EPB41L2: variants seen among roughly 807,000 people sequenced by gnomAD.
EPB41L2 encodes band 4.1-like protein 2.
Under a neutral mutation model 113.0 loss-of-function variants are expected in EPB41L2, and 43 were observed. The ratio of observed to expected loss-of-function variants is 0.38; its 90% CI spans 0.30 to 0.49. The LOEUF is 0.49. EPB41L2 is among the 20% of genes least tolerant of loss of function. EPB41L2 has a pLI of 0.95. For synonymous variants in EPB41L2, 442 were observed against 436.7 expected, an observed-to-expected ratio of 1.01 and a Z score of -0.15; for missense variants, 1,147 against 1,223.4, an observed-to-expected ratio of 0.94 and a Z score of 0.93.
At chr6:130,880,049 C>T in intron 13 of EPB41L2, 95 bp downstream of exon 13, 1 of 881,052 alleles carries the variant, frequency 1.1e-6, no homozygotes, top group Non-Finnish European at 1.8e-6. Flanking sequence ...ATGCACCGTG[C>T]TTGAAGAACA....
intron 4 of EPB41L2, among the ~76,000 whole-genome samples, chr6:130,917,412 A>T (rs1801460244): frequency 6.6e-6 from 1 of 152,180 alleles, no homozygotes; most frequent in Non-Finnish European, 1.5e-5. Context: ...CCCATCCTTG[A>T]TAACTAATTA....
intron 6 of EPB41L2, among the ~76,000 whole-genome samples, chr6:130,903,693 C>A (rs1333383420): frequency 1.3e-5 from 2 of 151,962 alleles, no homozygotes; most frequent in Non-Finnish European, 2.9e-5. Flanking sequence ...AAAAATCAAC[C>A]CTTTATACTT....
At chr6:130,994,666 T>C (rs992391671) in intron 1 of EPB41L2, among the ~76,000 whole-genome samples, 2 of 152,156 alleles carry the variant, frequency 1.3e-5, no homozygotes, top group East Asian at 3.8e-4. Flanking sequence ...AAAGGATATA[T>C]ACATGTTTAT....
At chr6:130,876,051 A>G (rs1051489214) in intron 14 of EPB41L2, among the ~76,000 whole-genome samples, 4 of 152,058 alleles carry the variant, frequency 2.6e-5, no homozygotes, top group Non-Finnish European at 5.9e-5. Flanking sequence ...TGTCTCCTCC[A>G]CTAGACTCCA....
intron 19 of EPB41L2, among the ~76,000 whole-genome samples, chr6:130,849,923 A>G (rs558023210): frequency 6.6e-6 from 1 of 152,198 alleles, no homozygotes; most frequent in East Asian, 1.9e-4. Context: ...AAGGAGGACA[A>G]TTTGGTAATA....
chr6:130,966,855 C>G (rs1038753771), intron 1 of EPB41L2, among the ~76,000 whole-genome samples: 7 of 152,142 alleles, frequency 4.6e-5, no homozygotes, highest in African/African-American at 7.2e-5. Context: ...GACTCCAGCT[C>G]AGCAGTAGCA....
chr6:130,841,144 G>C (rs916785458), intron 19 of EPB41L2, among the ~76,000 whole-genome samples: 1 of 151,144 alleles, frequency 6.6e-6, no homozygotes, highest in Non-Finnish European at 1.5e-5. Context: ...CATTGGTATA[G>C]TGAGTAGTAA....
intron 17 of EPB41L2, among the ~76,000 whole-genome samples, chr6:130,865,125 C>T (rs765065644): frequency 2.6e-5 from 4 of 152,150 alleles, no homozygotes; most frequent in East Asian, 1.9e-4. Flanking sequence ...AGTATACTAG[C>T]GATCTTAAAT....
At chr6:131,048,377 T>A (rs372087223) in intron 1 of EPB41L2, among the ~76,000 whole-genome samples, 127 of 152,282 alleles carry the variant, frequency 8.3e-4, no homozygotes, top group Middle Eastern at 3.4e-3. Context: ...ATTCTCTATG[T>A]CCACAATGCT....
At chr6:131,041,019 T>C (rs1053022665) in intron 1 of EPB41L2, among the ~76,000 whole-genome samples, 21 of 152,198 alleles carry the variant, frequency 1.4e-4, no homozygotes, top group African/African-American at 4.8e-4. Flanking sequence ...CTATTTTAGA[T>C]TGTAAGTGAC....
At chr6:130,987,928 C>A (rs1240617196) in intron 1 of EPB41L2, among the ~76,000 whole-genome samples, 1 of 151,740 alleles carries the variant, frequency 6.6e-6, no homozygotes, top group Non-Finnish European at 1.5e-5. Flanking sequence ...GCCTGGGCAA[C>A]ATGGTGAGAT....
At chr6:131,038,945 T>C (rs1051363060) in intron 1 of EPB41L2, among the ~76,000 whole-genome samples, 1 of 152,290 alleles carries the variant, frequency 6.6e-6, no homozygotes, top group South Asian at 2.1e-4. Flanking sequence ...AAACTCTACA[T>C]TAAGAAAAGA....
intron 14 of EPB41L2, chr6:130,872,304 AT>A (rs1221640958): frequency 1.3e-5 from 15 of 1,197,544 alleles, no homozygotes; most frequent in African/African-American, 1.6e-5. Flanking sequence ...GTGCCTGAAT[AT>A]TTAAAAAAAT....
chr6:130,891,957 C>G (rs771653004), intron 10 of EPB41L2, among the ~76,000 whole-genome samples: 4 of 152,026 alleles, frequency 2.6e-5, no homozygotes, highest in Non-Finnish European at 4.4e-5. Context: ...TATGACTGGC[C>G]CTTTGTGTTA....
intron 1 of EPB41L2, among the ~76,000 whole-genome samples, chr6:131,001,830 T>C (rs1032146646): frequency 6.6e-6 from 1 of 152,152 alleles, no homozygotes; most frequent in South Asian, 2.1e-4. Flanking sequence ...ATTTCTCCAT[T>C]GCCCCCATGC....
At chr6:130,853,782 A>G (rs1422354601) in intron 19 of EPB41L2, among the ~76,000 whole-genome samples, 3 of 152,218 alleles carry the variant, frequency 2.0e-5, no homozygotes, top group African/African-American at 7.2e-5. Context: ...ATGTGCCTGA[A>G]AAAGGGAGAC....
chr6:131,043,669 A>T (rs1794875054), intron 1 of EPB41L2, among the ~76,000 whole-genome samples: 1 of 152,210 alleles, frequency 6.6e-6, no homozygotes, highest in Non-Finnish European at 1.5e-5. Context: ...CCTAACTTGG[A>T]TCCTGATTCA....
intron 5 of EPB41L2, among the ~76,000 whole-genome samples, chr6:130,906,167 T>C (rs972915085): frequency 1.3e-5 from 2 of 152,220 alleles, no homozygotes; most frequent in African/African-American, 4.8e-5. Context: ...CACAGGATTA[T>C]CATTTCTTAA....
At chr6:130,852,619 C>G (rs1031167598) in intron 19 of EPB41L2, among the ~76,000 whole-genome samples, 1 of 152,192 alleles carries the variant, frequency 6.6e-6, no homozygotes, top group African/African-American at 2.4e-5. Flanking sequence ...TCCCAATGCA[C>G]TAACTTCCAC....
Sources: gnomAD v4.1 joint callset for allele counts (sites outside exome capture counted in the v4.1 genomes callset) on GRCh38, gnomAD v4.1.1 for gene constraint, MANE v1.5 for transcripts, NCBI Gene and HGNC (gene_info 2026-07-23, HGNC 2026-07-21) for gene names.